The following CAPN5 variants were observed in gnomAD, a reference collection of about 807,000 sequenced individuals.
CAPN5 encodes the protein calpain-5.
CAPN5 carries 54 observed loss-of-function variants against 73.0 expected under a neutral mutation model. The observed-to-expected ratio is 0.74, with a 90% CI of 0.59 to 0.93. The LOEUF is 0.93. Among genes scored for constraint, CAPN5 ranks in the 40% least tolerant of loss-of-function variants. The probability of loss-of-function intolerance (pLI) is 0.00; values close to 1 mark genes in which losing one functional copy is unlikely to be tolerated. For missense variants in CAPN5, 785 were observed against 882.9 expected (o/e 0.89, Z 1.41); for synonymous variants, 335 against 356.9 (o/e 0.94, Z 0.69).
At chr11:77,122,334 G>T (rs782467693) in intron 11 of CAPN5, among the ~76,000 whole-genome samples, 3 of 152,202 alleles carry the variant, frequency 2.0e-5, no homozygotes, top group Non-Finnish European at 4.4e-5. Flanking sequence ...ATGAAAGGGG[G>T]TAAGGGAGAA....
At chr11:77,084,798 ACAT>A (rs1950064857) in intron 1 of CAPN5, 51 bp from the exon 2 acceptor site, 2 of 1,503,912 alleles carry the variant, frequency 1.3e-6, no homozygotes, top group African/African-American at 2.8e-5. Context: ...TTCACAGGGC[ACAT>A]CAGGGACCCA....
At chr11:77,093,634 T>C (rs1555036947) in intron 2 of CAPN5, 48 bp from the exon 3 acceptor site, 5 of 1,523,240 alleles carry the variant, frequency 3.3e-6, no homozygotes, top group Non-Finnish European at 4.4e-6. Flanking sequence ...ATGGGGGGCA[T>C]CCGCATGCTC....
intron 2 of CAPN5, among the ~76,000 whole-genome samples, chr11:77,090,512 C>T (rs575230455): frequency 2.5e-4 from 38 of 152,332 alleles, no homozygotes; most frequent in African/African-American, 8.4e-4. Context: ...CCTAGGGCAT[C>T]CCATCGGATC....
At chr11:77,103,091 G>A (rs371003394) in intron 3 of CAPN5, 291 of 1,613,718 alleles carry the variant, frequency 1.8e-4, no homozygotes, top group Non-Finnish European at 2.4e-4. Flanking sequence ...CAGGCACCTC[G>A]CAGAACTGGA....
intron 9 of CAPN5, chr11:77,120,421 A>T (rs1366807396): frequency 5.8e-6 from 2 of 346,534 alleles, no homozygotes; most frequent in Admixed American, 4.7e-5. Flanking sequence ...CAATCTAATG[A>T]CTTTTGTGTG....
At position 77,123,772 on chromosome 11, in the gene CAPN5, A is replaced by C. The variant is rs1591153178; in HGVS notation, c.1825A>C (p.Thr609Pro). ...ADPDNLQALH[T>P]LHLRDRNSRQ... ...CCCGGACAACCTCCAGGCCCTGCAT[A>C]CCCTCCACCTCCGGGACCGAAATAG... The change falls in exon 13 of 13, where the codon ACC (threonine) becomes CCC (proline). Residue 609 changes from threonine to proline, a missense_variant. Thr to Pro is a conservative substitution (Grantham distance 38). Coordinates refer to ENST00000648180, the MANE Select transcript of CAPN5 (RefSeq NM_004055.5). The C allele has an allele frequency of 6.2e-7, 1 of 1,612,940 alleles. No homozygotes were observed. The highest frequency in any genetic ancestry group is 1.1e-5 in the South Asian group (1 of 90,962).
chr11:77,122,539 C>A (rs1420837429), intron 11 of CAPN5, 37 bp from the exon 12 acceptor site: 2 of 1,142,116 alleles, frequency 1.8e-6, no homozygotes, highest in East Asian at 2.7e-5. Flanking sequence ...CAGCCCCCAC[C>A]CCCACCCTCA....
At chr11:77,102,710 A>T (rs760202694) in intron 3 of CAPN5, 2 of 1,099,004 alleles carry the variant, frequency 1.8e-6, no homozygotes, top group Non-Finnish European at 1.3e-6. Flanking sequence ...GGGAAGAGCC[A>T]GTGGCAAAGG....
rs577068509 is a variant in CAPN5, at chr11:77,088,246, CG to C, written c.165+3200del. ...CTGCAGAATTCCCCTAGTGCAGTCT[CG>C]GGGGCCCCAGCCTCAGCCCAGTCCC... On this transcript the variant is annotated intron_variant, in intron 2 of 12. Coordinates refer to ENST00000648180, the MANE Select transcript of CAPN5 (RefSeq NM_004055.5). 2.0e-4 allele frequency among the ~76,000 whole-genome samples: 31 copies of C among 151,512 alleles called. No individual in the cohort carries two copies. The South Asian group carries it at 4.4e-3, about 21-fold the overall frequency.
chr11:77,118,977 G>A, intron 8 of CAPN5, 53 bp from the exon 9 acceptor site: 1 of 1,568,554 alleles, frequency 6.4e-7, no homozygotes, highest in South Asian at 1.2e-5. Context: ...GCCAGCCCAT[G>A]CCTGGTGTGG....
At chr11:77,112,545 C>A in intron 3 of CAPN5, 44 bp from the exon 4 acceptor site, 1 of 1,472,506 alleles carries the variant, frequency 6.8e-7, no homozygotes, top group Non-Finnish European at 9.5e-7. Flanking sequence ...GCCGGACATC[C>A]CCTCACTGTG....
At chr11:77,120,675 G>A (rs377743502) in intron 9 of CAPN5, 38 bp from the exon 10 acceptor site, 31 of 1,483,822 alleles carry the variant, frequency 2.1e-5, no homozygotes, top group South Asian at 3.6e-5. Context: ...GTTGTAGGGT[G>A]TGTCTCCGCG....
rs1186145243 is a variant in CAPN5 at position 77,124,513 on chromosome 11, G to A, written c.*643G>A. On this transcript the variant is annotated 3_prime_UTR_variant, in exon 13 of 13. Transcript: ENST00000648180. The stretch of plus-strand genomic sequence containing the variant: ...TACTCCGGCCTCTGCCTTGGGCCTC[G>A]CCTCTGTCCTCAGGTCCTCTCAGAG... 5 of 152,666 alleles carry A rather than the reference G, an allele frequency of 3.3e-5. No homozygotes were observed. The highest frequency in any genetic ancestry group is 1.2e-4 in the African/African-American group (5 of 41,464). The allele number at this position is 152,666 out of a possible 1,614,324, so 9.5% of individuals were successfully genotyped here.
intron 3 of CAPN5, among the ~76,000 whole-genome samples, chr11:77,106,612 G>A (rs2135464286): frequency 6.6e-6 from 1 of 152,344 alleles, no homozygotes; most frequent in Admixed American, 6.5e-5. Context: ...CCTCTCTCGA[G>A]GCTGTTGTGA....
chr11:77,121,629 TGCGGG>T (rs1950521094), intron 10 of CAPN5, among the ~76,000 whole-genome samples: 1 of 152,238 alleles, frequency 6.6e-6, no homozygotes, highest in African/African-American at 2.4e-5. Flanking sequence ...TAATAGCCTT[TGCGGG>T]GCTTTGCAGG....
At chr11:77,091,824 T>G (rs1950151498) in intron 2 of CAPN5, among the ~76,000 whole-genome samples, 1 of 152,254 alleles carries the variant, frequency 6.6e-6, no homozygotes, top group Admixed American at 6.5e-5. Flanking sequence ...CATAGAGGTC[T>G]GGGCATAGCT....
At chr11:77,092,259 A>G (rs143169166) in intron 2 of CAPN5, among the ~76,000 whole-genome samples, 284 of 152,352 alleles carry the variant, frequency 1.9e-3, no homozygotes, top group African/African-American at 6.7e-3. Context: ...ATCCAACAAC[A>G]TAAAGAAATT....
chr11:77,120,427 G>T (rs900917913), intron 9 of CAPN5: 2 of 357,902 alleles, frequency 5.6e-6, no homozygotes, highest in Admixed American at 4.7e-5. Context: ...AATGACTTTT[G>T]TGTGATCAGA....
Position 77,097,464 on chromosome 11 carries a change from GTTTTTTTTTTTT to G in CAPN5, c.297+3665_297+3676del, listed in dbSNP as rs58077755. Among the ~76,000 whole-genome samples, 10 of 79,730 alleles carry G rather than the reference GTTTTTTTTTTTT, an allele frequency of 1.3e-4. 1 individual carries two copies. The highest frequency in any genetic ancestry group is 1.6e-4 in the Non-Finnish European group (7 of 42,778). 52.3% of individuals were successfully genotyped at this position (79,730 alleles called of 152,430 possible). A position where few individuals can be genotyped will look rare whatever the true frequency, so the allele number is the denominator to read the frequency against. On this transcript the variant is annotated intron_variant, in intron 3 of 12. Transcript: ENST00000648180. ...AAGGGGTTTCCTGTGTTTCCTTCTA[GTTTTTTTTTTTT>G]TTTTTTTTTTTTTATTGATAATTCT...
Sources: allele counts gnomAD v4.1 joint callset (sites outside exome capture counted in the v4.1 genomes callset), GRCh38; gene constraint gnomAD v4.1.1; transcripts MANE v1.5; gene names NCBI Gene and HGNC (gene_info 2026-07-23, HGNC 2026-07-21).